The following CNTNAP2 variants were observed in gnomAD, a reference collection of about 807,000 sequenced individuals.
The protein encoded by CNTNAP2 is contactin associated protein 2.
CNTNAP2 carries 98 observed loss-of-function variants against 155.2 expected under a neutral mutation model. That is an observed-to-expected ratio of 0.63 (90% CI 0.54 to 0.75). The LOEUF (loss-of-function observed/expected upper bound fraction) is 0.75. Among genes scored for constraint, CNTNAP2 ranks in the 30% least tolerant of loss-of-function variants. CNTNAP2 has a pLI of 0.00. For synonymous variants in CNTNAP2, 651 were observed against 631.2 expected, an observed-to-expected ratio of 1.03 and a Z score of -0.47; for missense variants, 1,727 against 1,688.1, an observed-to-expected ratio of 1.02 and a Z score of -0.40.
intron 3 of CNTNAP2, among the ~76,000 whole-genome samples, chr7:146,880,417 C>T (rs562481095): frequency 2.6e-5 from 4 of 151,870 alleles, no homozygotes; most frequent in African/African-American, 7.2e-5. Context: ...GGCACCATGT[C>T]GGCACCATGT....
chr7:146,929,673 A>G (rs1167096714), intron 3 of CNTNAP2, among the ~76,000 whole-genome samples: 1 of 152,182 alleles, frequency 6.6e-6, no homozygotes, highest in Non-Finnish European at 1.5e-5. Context: ...CCAAAGGCAA[A>G]GAAGTTAAAA....
At chr7:148,258,212 C>T (rs530719440) in intron 20 of CNTNAP2, among the ~76,000 whole-genome samples, 1 of 152,282 alleles carries the variant, frequency 6.6e-6, no homozygotes, top group East Asian at 1.9e-4. Flanking sequence ...GTGTGTTATG[C>T]CACGCTCCTG....
At chr7:146,901,030 G>GTAA (rs66815254) in intron 3 of CNTNAP2, among the ~76,000 whole-genome samples, 11,072 of 149,562 alleles carry the variant, frequency 0.074, 795 homozygotes, top group African/African-American at 0.19. Flanking sequence ...GATTAAAGTA[G>GTAA]TAATAATAAT....
intron 4 of CNTNAP2, among the ~76,000 whole-genome samples, chr7:147,079,210 T>A (rs1800063161): frequency 6.6e-6 from 1 of 152,214 alleles, no homozygotes; most frequent in Non-Finnish European, 1.5e-5. Flanking sequence ...ACGAGGTAGA[T>A]GTTATTATTA....
intron 13 of CNTNAP2, among the ~76,000 whole-genome samples, chr7:147,726,237 G>A (rs1224541563): frequency 1.3e-5 from 2 of 151,964 alleles, no homozygotes; most frequent in Non-Finnish European, 2.9e-5. Flanking sequence ...TTTATTGAGA[G>A]AGATCTTGTG....
intron 13 of CNTNAP2, among the ~76,000 whole-genome samples, chr7:147,864,259 A>G (rs1185883569): frequency 6.6e-6 from 1 of 152,064 alleles, no homozygotes; most frequent in Admixed American, 6.6e-5. Flanking sequence ...GTTATTTCTG[A>G]TGCCTCTGTT....
At chr7:146,359,965 A>T (rs982168951) in intron 1 of CNTNAP2, among the ~76,000 whole-genome samples, 8 of 152,096 alleles carry the variant, frequency 5.3e-5, no homozygotes, top group Non-Finnish European at 7.3e-5. Context: ...ATCTGAAAAA[A>T]CTTCTCTTTG....
chr7:148,368,125 A>G (rs1171682915), intron 21 of CNTNAP2, among the ~76,000 whole-genome samples: 2 of 152,218 alleles, frequency 1.3e-5, no homozygotes, highest in Non-Finnish European at 2.9e-5. Context: ...AGACGACTGC[A>G]GCTTCAGTGC....
intron 3 of CNTNAP2, among the ~76,000 whole-genome samples, chr7:146,955,120 A>G (rs1343713204): frequency 6.6e-6 from 1 of 151,970 alleles, no homozygotes; most frequent in East Asian, 1.9e-4. Context: ...TTAGGTACCC[A>G]CTTGAGCAAA....
At chr7:147,994,639 C>A (rs1468703219) in intron 15 of CNTNAP2, among the ~76,000 whole-genome samples, 1 of 152,166 alleles carries the variant, frequency 6.6e-6, no homozygotes, top group Non-Finnish European at 1.5e-5. Context: ...CTGCTGCTAT[C>A]CATATAAGAT....
At chr7:148,261,205 G>C (rs1796554684) in intron 20 of CNTNAP2, among the ~76,000 whole-genome samples, 1 of 151,662 alleles carries the variant, frequency 6.6e-6, no homozygotes, top group Non-Finnish European at 1.5e-5. Context: ...CTCTCACCCA[G>C]GCTGGAGTGC....
chr7:147,621,790 C>T (rs1035422321), intron 12 of CNTNAP2, among the ~76,000 whole-genome samples: 3 of 151,816 alleles, frequency 2.0e-5, no homozygotes, highest in Non-Finnish European at 4.4e-5. Context: ...TCAATAATAA[C>T]ATTGAATGTA....
chr7:147,239,129 A>C (rs1803880523), intron 8 of CNTNAP2, among the ~76,000 whole-genome samples: 1 of 152,178 alleles, frequency 6.6e-6, no homozygotes, highest in African/African-American at 2.4e-5. Flanking sequence ...AGATTCTCTC[A>C]GTCAGTAGAT....
intron 13 of CNTNAP2, among the ~76,000 whole-genome samples, chr7:147,786,979 AGAAG>A (rs1797750516): frequency 1.3e-5 from 2 of 151,404 alleles, no homozygotes; most frequent in South Asian, 4.2e-4. Flanking sequence ...GAAGAAGGAA[AGAAG>A]GGAGGGAGGG....
Position 147,542,519 on chromosome 7 carries a change from T to C in CNTNAP2, c.1778-19619T>C, listed in dbSNP as rs995584280. Reference sequence around the variant, plus strand: ...TCGGAGGAAGTTAACTGAGAAGCTATTGGGACTTAAGCTTCAGGGCCTTTT... The same window carrying C: ...TCGGAGGAAGTTAACTGAGAAGCTACTGGGACTTAAGCTTCAGGGCCTTTT... On this transcript the variant is annotated intron_variant, in intron 11 of 23. Transcript: ENST00000361727. Among the ~76,000 whole-genome samples, 8 of 152,194 alleles carry C rather than the reference T, an allele frequency of 5.3e-5. No individual in the cohort carries two copies. The East Asian group carries it at 1.3e-3, about 26-fold the overall frequency.
At chr7:146,258,311 G>T (rs973245388) in intron 1 of CNTNAP2, among the ~76,000 whole-genome samples, 3 of 152,084 alleles carry the variant, frequency 2.0e-5, no homozygotes, top group Non-Finnish European at 2.9e-5. Context: ...TATAGTTCAT[G>T]TATGTGCCTG....
chr7:146,936,325 C>T (rs866971501), intron 3 of CNTNAP2, among the ~76,000 whole-genome samples: 2 of 152,112 alleles, frequency 1.3e-5, no homozygotes, highest in Non-Finnish European at 2.9e-5. Flanking sequence ...CACATAGATC[C>T]TAGAACAGAC....
At chr7:147,099,584 C>T (rs192772181) in intron 4 of CNTNAP2, among the ~76,000 whole-genome samples, 50 of 152,222 alleles carry the variant, frequency 3.3e-4, no homozygotes, top group Non-Finnish European at 5.7e-4. Flanking sequence ...AGTTGCTTAT[C>T]ACTATTTGTA....
intron 16 of CNTNAP2, among the ~76,000 whole-genome samples, chr7:148,121,390 A>G (rs1381009667): frequency 6.6e-6 from 1 of 152,204 alleles, no homozygotes; most frequent in Admixed American, 6.5e-5. Context: ...GACATTGGGT[A>G]GAGAATTCTC....
Sources: allele counts gnomAD v4.1 joint callset (sites outside exome capture counted in the v4.1 genomes callset), GRCh38; gene constraint gnomAD v4.1.1; transcripts MANE v1.5; gene names NCBI Gene and HGNC (gene_info 2026-07-23, HGNC 2026-07-21).